PRR16: variants seen among roughly 807,000 people sequenced by gnomAD.
PRR16 encodes protein Largen.
A neutral mutation model predicts 18.2 loss-of-function variants in PRR16; 6 were observed. That is an observed-to-expected ratio of 0.33 (90% CI 0.18 to 0.65). The LOEUF (loss-of-function observed/expected upper bound fraction) is 0.65. Among genes scored for constraint, PRR16 ranks in the 30% least tolerant of loss-of-function variants. The pLI, the probability that PRR16 is intolerant of heterozygous loss-of-function variation, is 0.74. For synonymous variants in PRR16, 151 were observed against 147.8 expected (o/e 1.02, Z -0.16); for missense variants, 412 against 376.6 (o/e 1.09, Z -0.78).
At chr5:120,752,440 AG>A in the PRR16 span, among the ~76,000 whole-genome samples, 8 of 152,076 alleles carry the variant, frequency 5.3e-5, no homozygotes, top group East Asian at 1.5e-3. Flanking sequence ...AGGGACAGTA[AG>A]GGGCCTAACA....
chr5:120,749,936 T>C, the PRR16 span, among the ~76,000 whole-genome samples: 3 of 152,304 alleles, frequency 2.0e-5, no homozygotes, highest in South Asian at 4.1e-4. Flanking sequence ...GAAAAGATCA[T>C]GTAACAATTT....
chr5:120,791,009 A>G, the PRR16 span, among the ~76,000 whole-genome samples: 1 of 152,214 alleles, frequency 6.6e-6, no homozygotes, highest in African/African-American at 2.4e-5. Context: ...AAAACCAAGA[A>G]GTCAAATACA....
the PRR16 span, among the ~76,000 whole-genome samples, chr5:120,792,756 CAT>C: frequency 6.6e-6 from 1 of 152,166 alleles, no homozygotes; most frequent in African/African-American, 2.4e-5. Flanking sequence ...AGAAAAAATA[CAT>C]AGACTATTTT....
At chr5:120,724,235 A>G in the PRR16 span, among the ~76,000 whole-genome samples, 14 of 152,112 alleles carry the variant, frequency 9.2e-5, no homozygotes, top group African/African-American at 3.1e-4. Flanking sequence ...TTTGGGAATA[A>G]TTAACTTATT....
the PRR16 span, among the ~76,000 whole-genome samples, chr5:120,746,047 G>A: frequency 4.6e-5 from 7 of 151,996 alleles, no homozygotes; most frequent in East Asian, 7.8e-4. Context: ...GTTTGGAAGC[G>A]GTGAAATTTT....
At chr5:120,777,543 C>T in the PRR16 span, among the ~76,000 whole-genome samples, 1 of 149,650 alleles carries the variant, frequency 6.7e-6, no homozygotes, top group East Asian at 1.9e-4. Context: ...TAGTTTTGTC[C>T]TTTATGGTTT....
At chr5:120,683,544 C>T (rs979793308) in intron 1 of PRR16, among the ~76,000 whole-genome samples, 7 of 150,598 alleles carry the variant, frequency 4.6e-5, no homozygotes, top group South Asian at 2.1e-4. Flanking sequence ...AAACTAATTA[C>T]ATTAAAAACA....
chr5:120,474,600 A>ATTTT, intron 1 of PRR16, among the ~76,000 whole-genome samples: 1 of 98,864 alleles, frequency 1.0e-5, no homozygotes, highest in Non-Finnish European at 2.2e-5. Context: ...TTTTTTTTAA[A>ATTTT]AAAAAAACCC....
chr5:120,707,646 T>C, the PRR16 span, among the ~76,000 whole-genome samples: 1 of 152,216 alleles, frequency 6.6e-6, no homozygotes, highest in East Asian at 1.9e-4. Flanking sequence ...AGGATATTTA[T>C]GACATAGCTC....
chr5:120,525,544 A>G (rs780078932), intron 1 of PRR16, among the ~76,000 whole-genome samples: 3 of 151,808 alleles, frequency 2.0e-5, no homozygotes, highest in African/African-American at 7.3e-5. Context: ...ACAGACTACT[A>G]TGAATATACA....
chr5:120,537,154 C>G (rs1208736516), intron 1 of PRR16, among the ~76,000 whole-genome samples: 3 of 152,104 alleles, frequency 2.0e-5, no homozygotes, highest in Admixed American at 6.6e-5. Flanking sequence ...ATGAGTTTAT[C>G]TATATAACAA....
At chr5:120,605,913 T>C (rs527352865) in intron 1 of PRR16, among the ~76,000 whole-genome samples, 4 of 152,226 alleles carry the variant, frequency 2.6e-5, no homozygotes, top group East Asian at 1.9e-4. Flanking sequence ...TCACAGTCCA[T>C]TGGCAACAAC....
chr5:120,791,674 A>G, the PRR16 span, among the ~76,000 whole-genome samples: 1 of 151,604 alleles, frequency 6.6e-6, no homozygotes, highest in African/African-American at 2.4e-5. Context: ...TCTATCATCT[A>G]CCTATGAGTA....
the PRR16 span, among the ~76,000 whole-genome samples, chr5:120,754,482 AATAT>A: frequency 1.2e-5 from 1 of 84,244 alleles, no homozygotes; most frequent in Admixed American, 2.0e-4. Flanking sequence ...TATATTATAT[AATAT>A]ATAGTATGTA....
chr5:120,758,203 A>T, the PRR16 span, among the ~76,000 whole-genome samples: 2 of 152,140 alleles, frequency 1.3e-5, no homozygotes, highest in Non-Finnish European at 2.9e-5. Flanking sequence ...TATATTTATT[A>T]TGAAATATGT....
At chr5:120,702,250 C>T in the PRR16 span, among the ~76,000 whole-genome samples, 1 of 64,214 alleles carries the variant, frequency 1.6e-5, no homozygotes, top group Admixed American at 1.3e-4. Context: ...AATAAGGGGT[C>T]GGGGCACGGA....
intron 1 of PRR16, among the ~76,000 whole-genome samples, chr5:120,627,920 G>A (rs985369855): frequency 6.6e-6 from 1 of 152,088 alleles, no homozygotes; most frequent in African/African-American, 2.4e-5. Context: ...AAAGAAATAA[G>A]TTTGTGGTTT....
the PRR16 span, among the ~76,000 whole-genome samples, chr5:120,703,345 C>T: frequency 6.6e-6 from 1 of 152,202 alleles, no homozygotes; most frequent in Non-Finnish European, 1.5e-5. Flanking sequence ...TTACTTCAGG[C>T]CATCTGGGCG....
intron 1 of PRR16, among the ~76,000 whole-genome samples, chr5:120,540,171 C>A (rs910957369): frequency 1.3e-5 from 2 of 152,118 alleles, no homozygotes; most frequent in African/African-American, 4.8e-5. Context: ...TAAATTGAGC[C>A]AAGCACATTT....
Sources: gnomAD v4.1 joint callset for allele counts (sites outside exome capture counted in the v4.1 genomes callset) on GRCh38, gnomAD v4.1.1 for gene constraint, MANE v1.5 for transcripts, NCBI Gene and HGNC (gene_info 2026-07-23, HGNC 2026-07-21) for gene names.